Variants in DGKD observed in about 807,000 individuals in gnomAD.
DGKD encodes the protein diacylglycerol kinase delta, also known as DAG kinase delta.
Under a neutral mutation model 154.4 loss-of-function variants are expected in DGKD, and 68 were observed. That is an observed-to-expected ratio of 0.44 (90% confidence interval 0.36 to 0.54). The LOEUF (loss-of-function observed/expected upper bound fraction) is 0.54. DGKD is among the 20% of genes least tolerant of loss of function. The pLI, the probability that DGKD is intolerant of heterozygous loss-of-function variation, is 0.00. For synonymous variants in DGKD, 693 were observed against 638.0 expected (o/e 1.09, Z -1.30); for missense variants, 1,343 against 1,593.6 (o/e 0.84, Z 2.68).
At chr2:233,366,600 A>G (rs1293479743) in intron 1 of DGKD, among the ~76,000 whole-genome samples, 4 of 152,190 alleles carry the variant, frequency 2.6e-5, no homozygotes, top group Admixed American at 6.5e-5. Context: ...AGTTTTGCCA[A>G]TGAACGACAT....
intron 12 of DGKD, 147 bp downstream of exon 12, chr2:233,446,943 C>T (rs963409288): frequency 1.1e-6 from 1 of 918,470 alleles, no homozygotes; most frequent in African/African-American, 1.7e-5. Flanking sequence ...GCAGGGTGAA[C>T]CCATGGCTGA....
In DGKD at chr2:233,468,515, G is replaced by T; in HGVS notation, c.3517G>T (p.Gly1173Cys). 1 of 1,613,732 alleles carries T rather than the reference G, an allele frequency of 6.2e-7. No individual in the cohort carries two copies. The highest frequency in any genetic ancestry group is 8.5e-7 in the Non-Finnish European group (1 of 1,179,962). The change falls in exon 29 of 30, where the codon GGC (glycine) becomes TGC (cysteine). Residue 1173 changes from glycine (G) to cysteine (C), a missense_variant. Around this residue, in one of 6 missense-constraint regions of DGKD, gnomAD observed 429 missense variants for 496.3 expected, o/e 0.86. Coordinates refer to ENST00000264057, the MANE Select transcript of DGKD (RefSeq NM_152879.3). Reference protein sequence around the residue: ...KDIFTRHDIRGSELLHLERRD... With the variant: ...KDIFTRHDIRCSELLHLERRD... ...CATCTTCACACGGCACGACATCCGG[G>T]GCTCTGAGCTCCTGCACCTGGAGCG... is the stretch of plus-strand genomic sequence containing the variant.
Position 233,438,584 on chromosome 2 carries a change from GCA to G in DGKD, c.1085+211_1085+212del, listed in dbSNP as rs1157981115. On this transcript the variant is annotated intron_variant, in intron 9 of 29. Transcript: ENST00000264057. This position sits in a 1 kb window ranked among gnomAD's most constrained non-coding sequence, Gnocchi z 4.1. ...CCAACTTTGAACACAGTGCGCGTGTGCACACACGTACATACATCCATGTACAC... is the reference window on the plus strand; with the variant it reads ...CCAACTTTGAACACAGTGCGCGTGTGCACACGTACATACATCCATGTACAC... Among the ~76,000 whole-genome samples the G allele has an allele frequency of 1.3e-5, 2 of 152,266 alleles. No homozygotes were observed. The highest frequency in any genetic ancestry group is 1.9e-4 in the East Asian group (1 of 5,184).
chr2:233,416,208 A>G (rs1437400398), intron 3 of DGKD, among the ~76,000 whole-genome samples: 1 of 152,242 alleles, frequency 6.6e-6, no homozygotes, highest in Non-Finnish European at 1.5e-5. Context: ...AGTACAGTAT[A>G]AATATGCCCT....
rs1000611068 is a variant in DGKD at position 233,438,579 on chromosome 2, C to T, written c.1085+200C>T. On this transcript the variant is annotated intron_variant, in intron 9 of 29. Coordinates refer to ENST00000264057, the MANE Select transcript of DGKD (RefSeq NM_152879.3). This position sits in a 1 kb window ranked among gnomAD's most constrained non-coding sequence, Gnocchi z 4.1. ...GCCTTCCAACTTTGAACACAGTGCGCGTGTGCACACACGTACATACATCCA... is the reference window on the plus strand; with the variant it reads ...GCCTTCCAACTTTGAACACAGTGCGTGTGTGCACACACGTACATACATCCA... Among the ~76,000 whole-genome samples, 8 of 152,188 alleles carry T rather than the reference C, an allele frequency of 5.3e-5. No individual in the cohort carries two copies. The highest frequency in any genetic ancestry group is 7.3e-5 in the Non-Finnish European group (5 of 68,028).
chr2:233,448,485 A>G (rs2063158033), intron 14 of DGKD, 110 bp downstream of exon 14: 3 of 923,764 alleles, frequency 3.2e-6, no homozygotes, highest in Non-Finnish European at 5.0e-6. Context: ...TGATTTGAAC[A>G]AAGAATTAGA....
intron 1 of DGKD, among the ~76,000 whole-genome samples, chr2:233,364,392 G>A (rs1184287231): frequency 1.3e-5 from 2 of 152,194 alleles, no homozygotes; most frequent in African/African-American, 4.8e-5. Flanking sequence ...AGACTTAAGG[G>A]TTTCTACGTG....
chr2:233,369,187 C>A (rs894959713), intron 1 of DGKD, among the ~76,000 whole-genome samples: 12 of 152,192 alleles, frequency 7.9e-5, no homozygotes, highest in African/African-American at 2.9e-4. Flanking sequence ...GACCATCTGT[C>A]TCCTTACCAC....
intron 1 of DGKD, among the ~76,000 whole-genome samples, chr2:233,377,808 TTTTG>T (rs1210448490): frequency 2.6e-5 from 4 of 152,062 alleles, no homozygotes; most frequent in Non-Finnish European, 5.9e-5. Context: ...TCTTTGGTTT[TTTTG>T]TTTGTTTGTT....
At chr2:233,451,273 G>A (rs1012159004) in intron 17 of DGKD, among the ~76,000 whole-genome samples, 2 of 150,212 alleles carry the variant, frequency 1.3e-5, no homozygotes, top group Non-Finnish European at 3.0e-5. Context: ...AACCACCCAA[G>A]GAGCCCAGGA....
At chr2:233,378,493 T>TCC (rs1702710800) in intron 1 of DGKD, among the ~76,000 whole-genome samples, 1 of 151,818 alleles carries the variant, frequency 6.6e-6, no homozygotes, top group African/African-American at 2.4e-5. Context: ...CAAGCTATCC[T>TCC]CCCGCCTCAG....
intron 29 of DGKD, 86 bp from the exon 30 acceptor site, chr2:233,469,285 G>A: frequency 8.5e-7 from 1 of 1,181,434 alleles, no homozygotes; most frequent in Non-Finnish European, 1.2e-6. Flanking sequence ...AGCCGAATGG[G>A]AAGGGCCGTT....
rs369767623 is a variant in DGKD at position 233,459,934 on chromosome 2, C to T, written c.2829+43C>T. 14 of 1,595,520 alleles carry T rather than the reference C, an allele frequency of 8.8e-6. No individual in the cohort carries two copies. The highest frequency in any genetic ancestry group is 1.1e-5 in the South Asian group (1 of 88,472). ...CGGTACCTGGGTGGGGTACAGGGCT[C>T]ACCTGTGGGCTCTTGTGTGCACTGT... On this transcript the variant is annotated intron_variant, in intron 23 of 29. Transcript: ENST00000264057. The surrounding 1 kb of genome is among the most constrained non-coding windows in gnomAD (Gnocchi z 5.7).
chr2:233,434,922 T>C (rs764651439), intron 5 of DGKD, 21 bp downstream of exon 5: 11 of 1,598,128 alleles, frequency 6.9e-6, no homozygotes, highest in South Asian at 4.4e-5. Context: ...GCGTTTGTTA[T>C]TCTGTCAGGA....
At chr2:233,358,049 A>AT (rs1360253617) in intron 1 of DGKD, among the ~76,000 whole-genome samples, 1 of 152,184 alleles carries the variant, frequency 6.6e-6, no homozygotes, top group Non-Finnish European at 1.5e-5. Flanking sequence ...TGCATGTCTG[A>AT]TTTTTTAATA....
At chr2:233,434,650 C>T (rs1400939375) in intron 4 of DGKD, 119 bp from the exon 5 acceptor site, 1 of 1,504,232 alleles carries the variant, frequency 6.6e-7, no homozygotes, top group African/African-American at 1.4e-5. Context: ...GCAGACCTGT[C>T]CTTTATAAAC....
Position 233,354,838 on chromosome 2 carries a change from GC to G in DGKD, c.156+166del, listed in dbSNP as rs1337207325. On this transcript the variant is annotated intron_variant, in intron 1 of 29. Coordinates refer to ENST00000264057, the MANE Select transcript of DGKD (RefSeq NM_152879.3). This position sits in a 1 kb window ranked among gnomAD's most constrained non-coding sequence, Gnocchi z 4.8. ...CGAGCGTGCCCCGCCGCTGTAACGG[GC>G]CGGCGCCCCGGGCGGAGCGCGCGGC... 6.9e-6 allele frequency among the ~76,000 whole-genome samples: 1 copy of G among 145,116 alleles called. No homozygotes were observed. The highest frequency in any genetic ancestry group is 1.5e-5 in the Non-Finnish European group (1 of 65,280).
intron 3 of DGKD, among the ~76,000 whole-genome samples, chr2:233,423,449 A>G (rs2062186304): frequency 6.6e-6 from 1 of 152,144 alleles, no homozygotes; most frequent in African/African-American, 2.4e-5. Context: ...CCATCGTGAT[A>G]GGTGCGTAGG....
At chr2:233,454,212 C>T (rs1480842640) in intron 18 of DGKD, 3 of 351,848 alleles carry the variant, frequency 8.5e-6, no homozygotes, top group Admixed American at 4.1e-5. Context: ...ATAACCAAAA[C>T]GTGGAACATC....
Sources: allele counts gnomAD v4.1 joint callset (sites outside exome capture counted in the v4.1 genomes callset), GRCh38; gene constraint gnomAD v4.1.1; regional missense constraint gnomAD v4.1.1; non-coding constraint Gnocchi (gnomAD v3.1); transcripts MANE v1.5; gene names NCBI Gene and HGNC (gene_info 2026-07-23, HGNC 2026-07-21).